NR2C2: variants seen among roughly 807,000 people sequenced by gnomAD.
The protein encoded by NR2C2 is Nuclear hormone receptor TR4.
Under a neutral mutation model 62.9 loss-of-function variants are expected in NR2C2, and 6 were observed. The observed-to-expected ratio is 0.10, with a 90% CI of 0.05 to 0.19. The LOEUF (loss-of-function observed/expected upper bound fraction) is 0.19, where lower values mean the gene tolerates loss of function less well. NR2C2 is among the 10% of genes least tolerant of loss of function. The pLI is 1.00. For missense variants in NR2C2, 479 were observed against 762.7 expected, an observed-to-expected ratio of 0.63 and a Z score of 4.38; for synonymous variants, 272 against 273.8, an observed-to-expected ratio of 0.99 and a Z score of 0.07.
intron 2 of NR2C2, among the ~76,000 whole-genome samples, chr3:15,010,089 CA>C (rs1454382719): frequency 6.6e-6 from 1 of 152,122 alleles, no homozygotes; most frequent in Admixed American, 6.5e-5. Flanking sequence ...TGTATCTTTT[CA>C]GGGGGTACAG....
intron 1 of NR2C2, among the ~76,000 whole-genome samples, chr3:14,965,812 G>T (rs576283562): frequency 6.6e-6 from 1 of 151,910 alleles, no homozygotes; most frequent in East Asian, 1.9e-4. Flanking sequence ...TACAGGCGTG[G>T]GGCACTATGC....
At chr3:14,982,596 T>C (rs769404000) in intron 1 of NR2C2, among the ~76,000 whole-genome samples, 1 of 152,214 alleles carries the variant, frequency 6.6e-6, no homozygotes, top group Non-Finnish European at 1.5e-5. Flanking sequence ...AAATATCTTA[T>C]TGAAATTTTA....
intron 1 of NR2C2, among the ~76,000 whole-genome samples, chr3:14,972,564 G>A (rs2040074458): frequency 6.6e-6 from 1 of 152,160 alleles, no homozygotes; most frequent in Non-Finnish European, 1.5e-5. Context: ...GGTAGTTTGA[G>A]GTTTTTTGTC....
At chr3:14,958,653 G>A (rs911246620) in intron 1 of NR2C2, among the ~76,000 whole-genome samples, 3 of 152,206 alleles carry the variant, frequency 2.0e-5, no homozygotes, top group East Asian at 1.9e-4. Flanking sequence ...ATACTTTGTA[G>A]TATCAAAACA....
intron 11 of NR2C2, among the ~76,000 whole-genome samples, chr3:15,036,232 CT>C (rs2042099652): frequency 6.6e-6 from 1 of 152,058 alleles, no homozygotes; most frequent in South Asian, 2.1e-4. Context: ...CTGCACCATG[CT>C]GACCCCCTAG....
intron 1 of NR2C2, among the ~76,000 whole-genome samples, chr3:14,985,918 C>T (rs866601656): frequency 5.3e-5 from 8 of 152,112 alleles, no homozygotes; most frequent in African/African-American, 1.4e-4. Flanking sequence ...CTATCTGGGT[C>T]AAAGTGTGTC....
At chr3:14,997,509 T>C (rs1574979911) in intron 1 of NR2C2, among the ~76,000 whole-genome samples, 2 of 152,334 alleles carry the variant, frequency 1.3e-5, no homozygotes, top group East Asian at 1.9e-4. Flanking sequence ...TTTTCAGTTA[T>C]AAATAAACAG....
At chr3:15,030,682 G>T (rs1176874053) in intron 9 of NR2C2, among the ~76,000 whole-genome samples, 1 of 152,100 alleles carries the variant, frequency 6.6e-6, no homozygotes, top group Non-Finnish European at 1.5e-5. Flanking sequence ...ACAAAAATTA[G>T]TCGGGCATGG....
At chr3:14,996,593 C>T (rs1273346245) in intron 1 of NR2C2, among the ~76,000 whole-genome samples, 2 of 152,170 alleles carry the variant, frequency 1.3e-5, no homozygotes, top group East Asian at 1.9e-4. Context: ...TTTATTGAGA[C>T]GGAGTCTCGC....
rs907474964 is a variant in NR2C2, at chr3:15,036,028, C to CA, written c.1372+1225dup. Among the ~76,000 whole-genome samples the CA allele has an allele frequency of 2.0e-5, 3 of 147,206 alleles. No individual in the cohort carries two copies. In the East Asian group the frequency reaches 6.0e-4, roughly 29 times the overall value. Reference sequence around the variant, plus strand: ...GGGCAACAGAGCGAGACTCTGTCTCCAAAAAACAAAAATTAGCCGGGCATG... The same window carrying CA: ...GGGCAACAGAGCGAGACTCTGTCTCCAAAAAAACAAAAATTAGCCGGGCATG... On this transcript the variant is annotated intron_variant, in intron 11 of 13. Transcript: ENST00000425241.
intron 1 of NR2C2, among the ~76,000 whole-genome samples, chr3:14,965,648 T>TG (rs5846854): frequency 0.019 from 2,936 of 151,214 alleles, 94 homozygotes; most frequent in African/African-American, 0.067. Context: ...CTGTTTTTTT[T>TG]GTTTGTTTGT....
intron 1 of NR2C2, among the ~76,000 whole-genome samples, chr3:14,971,818 T>TC (rs1187208976): frequency 6.6e-6 from 1 of 151,128 alleles, no homozygotes; most frequent in Non-Finnish European, 1.5e-5. Flanking sequence ...TTCTTTTTTT[T>TC]TTTTTTTGAG....
chr3:15,038,812 T>G, intron 12 of NR2C2: 1 of 244,390 alleles, frequency 4.1e-6, no homozygotes. Context: ...AATTTGTAAT[T>G]TTATGTGATA....
At position 15,046,616 on chromosome 3, in the gene NR2C2, C is replaced by T. The variant is rs898359320; in HGVS notation, c.*3608C>T. ...GTACATCCATGTTCTGGGACCTGAT[C>T]TCATTGGAGTCCAGAAGCTTGTTGC... On this transcript the variant is annotated 3_prime_UTR_variant, in exon 14 of 14. Transcript: ENST00000425241. 6.6e-6 allele frequency: 1 copy of T among 152,288 alleles called. No homozygotes were observed. The highest frequency in any genetic ancestry group is 1.5e-5 in the Non-Finnish European group (1 of 68,076). The allele number at this position is 152,288 out of a possible 1,614,324, so 9.4% of individuals were successfully genotyped here.
At chr3:14,991,370 G>A (rs1447897351) in intron 1 of NR2C2, among the ~76,000 whole-genome samples, 1 of 152,180 alleles carries the variant, frequency 6.6e-6, no homozygotes, top group Admixed American at 6.5e-5. Flanking sequence ...CTGCACAAAG[G>A]GGGTTAATCT....
chr3:15,003,908 T>A lies in NR2C2; in HGVS notation c.-7T>A. ...GTACACAGACCTCTCGGCCGGAATC[T>A]CCAGGGATGACCAGCCCCTCCCCAC... On this transcript the variant is annotated 5_prime_UTR_variant, in exon 2 of 14. Coordinates refer to ENST00000425241, the MANE Select transcript of NR2C2 (RefSeq NM_001291694.2). 6.2e-7 allele frequency: 1 copy of A among 1,613,878 alleles called. No homozygotes were observed. Among genetic ancestry groups the A allele is most frequent in the Non-Finnish European group, 8.5e-7 (1 of 1,179,894 alleles).
At chr3:14,981,602 CAAA>C (rs927608192) in intron 1 of NR2C2, among the ~76,000 whole-genome samples, 14 of 37,682 alleles carry the variant, frequency 3.7e-4, no homozygotes, top group African/African-American at 7.8e-4. Flanking sequence ...GGCTCTGTCT[CAAA>C]AAAAAAAAAA....
At chr3:15,031,170 G>GCAGC (rs1192574718) in intron 9 of NR2C2, among the ~76,000 whole-genome samples, 2 of 152,084 alleles carry the variant, frequency 1.3e-5, no homozygotes, top group African/African-American at 4.8e-5. Flanking sequence ...CAACAAGCAG[G>GCAGC]CAGCCAGCCA....
In NR2C2 at chr3:15,047,190, A is replaced by T. The variant is rs1256993086; in HGVS notation, c.*4182A>T. 1.3e-5 allele frequency: 2 copies of T among 152,578 alleles called. No individual in the cohort carries two copies. Among genetic ancestry groups the T allele is most frequent in the Non-Finnish European group, 2.9e-5 (2 of 68,044 alleles). 9.5% of individuals were successfully genotyped at this position (152,578 alleles called of 1,614,324 possible). A position where few individuals can be genotyped will look rare whatever the true frequency, so the allele number is the denominator to read the frequency against. On this transcript the variant is annotated 3_prime_UTR_variant, in exon 14 of 14. Coordinates refer to ENST00000425241, the MANE Select transcript of NR2C2 (RefSeq NM_001291694.2). ...GTTTTTCATAAAGTTGCTAATGTAA[A>T]CTGATATGGGTGTTCCAAGGTCCCT... is the stretch of plus-strand genomic sequence containing the variant.
Sources: allele counts gnomAD v4.1 joint callset (sites outside exome capture counted in the v4.1 genomes callset), GRCh38; gene constraint gnomAD v4.1.1; transcripts MANE v1.5; gene names NCBI Gene and HGNC (gene_info 2026-07-23, HGNC 2026-07-21).